SHISA9: variants seen among roughly 807,000 people sequenced by gnomAD.
SHISA9 encodes shisa family member 9.
In SHISA9, 13 loss-of-function variants were observed where a neutral mutation model predicts 38.0. The ratio of observed to expected loss-of-function variants is 0.34; its 90% confidence interval spans 0.22 to 0.54. SHISA9 has a LOEUF of 0.54. Ranked by LOEUF, SHISA9 falls within the 20% of genes least tolerant of loss-of-function variation. SHISA9 has a pLI of 0.91. For missense variants in SHISA9, 538 were observed against 575.8 expected, an observed-to-expected ratio of 0.93 and a Z score of 0.67; for synonymous variants, 275 against 242.0, an observed-to-expected ratio of 1.14 and a Z score of -1.27.
intron 2 of SHISA9, among the ~76,000 whole-genome samples, chr16:13,010,432 T>C (rs905027003): frequency 6.6e-6 from 1 of 152,186 alleles, no homozygotes; most frequent in Non-Finnish European, 1.5e-5. Context: ...ATTACTGTCA[T>C]AGATTCTTAG....
intron 2 of SHISA9, among the ~76,000 whole-genome samples, chr16:13,095,823 C>T (rs1199307634): frequency 6.6e-6 from 1 of 152,226 alleles, no homozygotes; most frequent in Non-Finnish European, 1.5e-5. Context: ...CGCAATGGCT[C>T]TCAAACTTGA....
At chr16:13,327,750 G>A in the SHISA9 span, among the ~76,000 whole-genome samples, 2 of 152,026 alleles carry the variant, frequency 1.3e-5, no homozygotes, top group South Asian at 2.1e-4. Flanking sequence ...TCCGCCTCCC[G>A]AGTTCAAGTG....
chr16:13,125,576 C>T (rs1319768628), intron 2 of SHISA9, among the ~76,000 whole-genome samples: 2 of 152,198 alleles, frequency 1.3e-5, no homozygotes, highest in South Asian at 2.1e-4. Flanking sequence ...GTGGATGAGA[C>T]ACTATATTAG....
chr16:13,248,206 T>G, the SHISA9 span, among the ~76,000 whole-genome samples: 1 of 152,140 alleles, frequency 6.6e-6, no homozygotes, highest in South Asian at 2.1e-4. Flanking sequence ...AACATTAGAC[T>G]TTTGGACAAA....
chr16:13,076,029 ATTTTTT>A (rs35313169), intron 2 of SHISA9, among the ~76,000 whole-genome samples: 1 of 135,494 alleles, frequency 7.4e-6, no homozygotes, highest in Non-Finnish European at 1.6e-5. Context: ...TGAGAAATAG[ATTTTTT>A]TTTTTTTTTT....
At chr16:12,997,931 G>T (rs1267795921) in intron 2 of SHISA9, among the ~76,000 whole-genome samples, 1 of 152,052 alleles carries the variant, frequency 6.6e-6, no homozygotes, top group African/African-American at 2.4e-5. Context: ...GTGCCTTCTC[G>T]TCCAGACACC....
the SHISA9 span, among the ~76,000 whole-genome samples, chr16:13,457,436 C>A: frequency 6.6e-6 from 1 of 152,084 alleles, no homozygotes; most frequent in Non-Finnish European, 1.5e-5. Flanking sequence ...GGACTGTGTT[C>A]CCTCTAACTG....
At chr16:13,187,768 G>A (rs185753331) in intron 2 of SHISA9, among the ~76,000 whole-genome samples, 1 of 152,184 alleles carries the variant, frequency 6.6e-6, no homozygotes, top group African/African-American at 2.4e-5. Context: ...AAAATGGGGA[G>A]ATTTGCACCC....
At chr16:13,457,242 G>A in the SHISA9 span, among the ~76,000 whole-genome samples, 2 of 152,310 alleles carry the variant, frequency 1.3e-5, no homozygotes, top group South Asian at 2.1e-4. Flanking sequence ...GGAGGCAGAG[G>A]TTGCAGTGAG....
the SHISA9 span, among the ~76,000 whole-genome samples, chr16:13,374,938 G>T: frequency 6.6e-6 from 1 of 152,156 alleles, no homozygotes; most frequent in Admixed American, 6.5e-5. Flanking sequence ...ATTTTTTCAT[G>T]TGTCTGTTGG....
intron 2 of SHISA9, among the ~76,000 whole-genome samples, chr16:13,008,678 CCT>C (rs377118345): frequency 1.6e-4 from 20 of 125,174 alleles, no homozygotes; most frequent in Admixed American, 1.6e-4. Context: ...TCCCTCCCTC[CCT>C]CTCTCTCTCT....
the SHISA9 span, among the ~76,000 whole-genome samples, chr16:13,400,034 C>G: frequency 6.6e-6 from 1 of 152,232 alleles, no homozygotes; most frequent in East Asian, 1.9e-4. Flanking sequence ...CATCTCAGAA[C>G]TCATCTCTAC....
the SHISA9 span, among the ~76,000 whole-genome samples, chr16:13,513,505 T>A: frequency 6.6e-6 from 1 of 152,186 alleles, no homozygotes; most frequent in African/African-American, 2.4e-5. Flanking sequence ...CCCAAAAATA[T>A]AAATCACTCT....
intron 3 of SHISA9, among the ~76,000 whole-genome samples, chr16:13,207,431 GT>G (rs2051075600): frequency 6.6e-6 from 1 of 151,906 alleles, no homozygotes; most frequent in Admixed American, 6.6e-5. Context: ...CTTCTGAAAT[GT>G]TTGTTGAATG....
chr16:13,503,582 G>C, the SHISA9 span, among the ~76,000 whole-genome samples: 1 of 151,758 alleles, frequency 6.6e-6, no homozygotes. Context: ...GAGAGCTGCA[G>C]ATATCTTAAG....
the SHISA9 span, among the ~76,000 whole-genome samples, chr16:13,354,782 G>C: frequency 4.3e-4 from 65 of 152,308 alleles, no homozygotes; most frequent in Middle Eastern, 3.4e-3. Context: ...AAGAAAAGGA[G>C]TTGTTTTGTA....
the SHISA9 span, chr16:13,331,347 G>C: frequency 6.6e-6 from 1 of 151,372 alleles, no homozygotes; most frequent in East Asian, 2.0e-4. Context: ...ACGTCTGATG[G>C]AAACATTTTA....
At chr16:13,476,345 C>T in the SHISA9 span, among the ~76,000 whole-genome samples, 2 of 152,238 alleles carry the variant, frequency 1.3e-5, no homozygotes, top group South Asian at 4.2e-4. Context: ...GCTATATAAA[C>T]CCCTAATTTT....
the SHISA9 span, among the ~76,000 whole-genome samples, chr16:13,391,622 T>C: frequency 1.3e-5 from 2 of 152,114 alleles, no homozygotes; most frequent in African/African-American, 4.8e-5. Context: ...ACCTGAGAGC[T>C]TAAAAAACAT....
Sources: gnomAD v4.1 joint callset for allele counts (sites outside exome capture counted in the v4.1 genomes callset) on GRCh38, gnomAD v4.1.1 for gene constraint, MANE v1.5 for transcripts, NCBI Gene and HGNC (gene_info 2026-07-23, HGNC 2026-07-21) for gene names.